RIMS2: variants seen among roughly 807,000 people sequenced by gnomAD.
The protein encoded by RIMS2 is regulating synaptic membrane exocytosis protein 2.
A neutral mutation model predicts 174.4 loss-of-function variants in RIMS2; 59 were observed. The ratio of observed to expected loss-of-function variants is 0.34; its 90% CI spans 0.27 to 0.42. The LOEUF is 0.42. RIMS2 is among the 10% of genes least tolerant of loss of function. RIMS2 has a pLI of 1.00. For synonymous variants in RIMS2, 606 were observed against 572.5 expected (o/e 1.06, Z -0.84); for missense variants, 1,620 against 1,666.3 (o/e 0.97, Z 0.48).
chr8:103,569,517 A>T (rs1466048414), intron 1 of RIMS2, among the ~76,000 whole-genome samples: 3 of 152,120 alleles, frequency 2.0e-5, no homozygotes, highest in Non-Finnish European at 4.4e-5. Context: ...ATGTATTTAA[A>T]TCTTCTTTAA....
At position 103,837,916 on chromosome 8, in the gene RIMS2, C is replaced by T. The variant is rs1045215070; in HGVS notation, c.699-47382C>T. On this transcript the variant is annotated intron_variant, in intron 3 of 23. Coordinates refer to ENST00000504942, the Ensembl canonical transcript of RIMS2. ...TAATGTTACTTGCCTCATAGTGCCC[C>T]GCATTTTCTTTTTCTTTCTTTCTCT... Among the ~76,000 whole-genome samples, 7 of 151,110 alleles carry T rather than the reference C, an allele frequency of 4.6e-5. No individual in the cohort carries two copies. In the South Asian group the frequency reaches 6.3e-4, roughly 14 times the overall value.
At chr8:103,540,560 T>C (rs1384726339) in intron 1 of RIMS2, among the ~76,000 whole-genome samples, 2 of 152,232 alleles carry the variant, frequency 1.3e-5, no homozygotes, top group African/African-American at 4.8e-5. Context: ...AAGAGTTGGC[T>C]ACTGCACCAG....
intron 19 of RIMS2, among the ~76,000 whole-genome samples, chr8:104,186,206 T>C (rs1316910269): frequency 6.6e-6 from 1 of 151,618 alleles, no homozygotes; most frequent in Non-Finnish European, 1.5e-5. Flanking sequence ...GGACGTACAG[T>C]GTGGAATTAC....
At chr8:104,212,840 A>G (rs754532957) in intron 19 of RIMS2, among the ~76,000 whole-genome samples, 5 of 152,320 alleles carry the variant, frequency 3.3e-5, no homozygotes, top group South Asian at 2.1e-4. Flanking sequence ...CAATTTCACT[A>G]TGCTACACAG....
intron 1 of RIMS2, among the ~76,000 whole-genome samples, chr8:103,622,669 G>A (rs1202797925): frequency 4.6e-5 from 7 of 152,130 alleles, no homozygotes; most frequent in Non-Finnish European, 8.8e-5. Context: ...AGCACCACCT[G>A]TTCAACAAGG....
chr8:103,728,748 C>CT (rs71575982), intron 2 of RIMS2, among the ~76,000 whole-genome samples: 3,510 of 92,622 alleles, frequency 0.038, 244 homozygotes, highest in African/African-American at 0.14. Flanking sequence ...TATGCTCCTT[C>CT]TTTTTTTTTT....
intron 1 of RIMS2, among the ~76,000 whole-genome samples, chr8:103,689,910 G>T (rs1564299086): frequency 1.8e-5 from 1 of 54,576 alleles, no homozygotes; most frequent in South Asian, 4.1e-4. Context: ...TGGATTTTTT[G>T]TTTGATTGTT....
At chr8:104,068,484 A>T (rs1328170618) in intron 19 of RIMS2, 28 bp from the exon 23 acceptor site, 3 of 1,037,768 alleles carry the variant, frequency 2.9e-6, no homozygotes, top group African/African-American at 1.6e-5. Context: ...CTGAACATTA[A>T]TTTTATGGGT....
intron 1 of RIMS2, among the ~76,000 whole-genome samples, chr8:103,527,037 A>G (rs1340562331): frequency 6.6e-6 from 1 of 152,240 alleles, no homozygotes. Flanking sequence ...TTTTCAAAGT[A>G]TCTCCAATAA....
At chr8:103,894,321 G>C (rs192055929) in intron 4 of RIMS2, among the ~76,000 whole-genome samples, 3 of 151,500 alleles carry the variant, frequency 2.0e-5, no homozygotes, top group African/African-American at 7.3e-5. Flanking sequence ...ATCTTCTAAG[G>C]TCAAAGTACA....
intron 19 of RIMS2, among the ~76,000 whole-genome samples, chr8:104,037,103 G>A (rs773468220): frequency 2.0e-5 from 3 of 152,030 alleles, no homozygotes; most frequent in Admixed American, 1.3e-4. Context: ...TTTCAAAAAG[G>A]TTTTGTCACT....
At chr8:103,648,925 T>C (rs753192947) in intron 1 of RIMS2, among the ~76,000 whole-genome samples, 1 of 152,192 alleles carries the variant, frequency 6.6e-6, no homozygotes, top group Non-Finnish European at 1.5e-5. Flanking sequence ...AATTGGGGCA[T>C]TTAGCCCATT....
chr8:103,690,290 A>G (rs2097004104), intron 1 of RIMS2, among the ~76,000 whole-genome samples: 1 of 152,012 alleles, frequency 6.6e-6, no homozygotes, highest in African/African-American at 2.4e-5. Flanking sequence ...TGGAGAGTTT[A>G]GTTGATTTAC....
In RIMS2 at chr8:103,943,376, A is replaced by G. The variant is rs149379056; in HGVS notation, c.2701+450A>G. Among the ~76,000 whole-genome samples, 32 of 152,186 alleles carry G rather than the reference A, an allele frequency of 2.1e-4. No individual in the cohort carries two copies. The East Asian group carries it at 5.8e-3, about 28-fold the overall frequency. On this transcript the variant is annotated intron_variant, in intron 14 of 23. Coordinates refer to ENST00000504942, the Ensembl canonical transcript of RIMS2. ...AAACCATGAACTTTAATTCCAGACT[A>G]CCCTGAGTTTAAATATTAATTCTTA...
intron 19 of RIMS2, among the ~76,000 whole-genome samples, chr8:104,180,896 C>G (rs866772354): frequency 1.3e-5 from 2 of 151,696 alleles, no homozygotes; most frequent in African/African-American, 2.4e-5. Flanking sequence ...TAATTCTTCT[C>G]ATTTAAATGT....
chr8:103,886,146 AG>A lies in RIMS2; in HGVS notation c.1549del (p.Glu517ArgfsTer22). The A allele has an allele frequency of 6.2e-7, 1 of 1,612,970 alleles. No individual in the cohort carries two copies. Among genetic ancestry groups the A allele is most frequent in the Non-Finnish European group, 8.5e-7 (1 of 1,179,322 alleles). ...CGCCAGATTTCGTTGAGCAGTTCAG[AG>A]GAGGAATTGGCTTCCACGCCTGAAT... is the stretch of plus-strand genomic sequence containing the variant. On this transcript the variant is annotated frameshift_variant, in exon 4 of 24. Coordinates refer to ENST00000504942, the Ensembl canonical transcript of RIMS2. LOFTEE classifies it high-confidence loss of function.
chr8:103,843,266 A>G (rs1302552417), intron 3 of RIMS2, among the ~76,000 whole-genome samples: 2 of 152,036 alleles, frequency 1.3e-5, no homozygotes, highest in Non-Finnish European at 2.9e-5. Context: ...CAACAATTTC[A>G]TTGTTCTTGA....
At chr8:103,910,130 A>G in intron 4 of RIMS2, 191 bp from the exon 8 acceptor site, 1 of 1,598,550 alleles carries the variant, frequency 6.3e-7, no homozygotes, top group Non-Finnish European at 8.6e-7. Context: ...TCTGACTCTC[A>G]CAGGAGACAT....
At chr8:103,996,559 C>A (rs1258734308) in intron 17 of RIMS2, among the ~76,000 whole-genome samples, 2 of 151,886 alleles carry the variant, frequency 1.3e-5, no homozygotes, top group Non-Finnish European at 2.9e-5. Flanking sequence ...GGAAATGAAT[C>A]TTGGGAAAAT....
Sources: gnomAD v4.1 joint callset for allele counts (sites outside exome capture counted in the v4.1 genomes callset) on GRCh38, gnomAD v4.1.1 for gene constraint, MANE v1.5 for transcripts, NCBI Gene and HGNC (gene_info 2026-07-23, HGNC 2026-07-21) for gene names.